Variants in LIX1L observed in about 807,000 individuals in gnomAD.
The protein encoded by LIX1L is limb and CNS expressed 1 like.
Under a neutral mutation model 34.0 loss-of-function variants are expected in LIX1L, and 20 were observed. That is an observed-to-expected ratio of 0.59 (90% CI 0.41 to 0.85). The LOEUF (loss-of-function observed/expected upper bound fraction) is 0.85. LIX1L is among the 40% of genes least tolerant of loss of function. The pLI, the probability that LIX1L is intolerant of heterozygous loss-of-function variation, is 0.00. For synonymous variants in LIX1L, 170 were observed against 187.4 expected, an observed-to-expected ratio of 0.91 and a Z score of 0.76; for missense variants, 397 against 447.0, an observed-to-expected ratio of 0.89 and a Z score of 1.01.
chr1:145,934,170 A>G lies in LIX1L; in HGVS notation c.*2140T>C, dbSNP rs57979501. On this transcript the variant is annotated 3_prime_UTR_variant, in exon 6 of 6. Transcript: ENST00000604000. ...TCACAGAGACAAGGGGGAAATATAT[A>G]TTAGAGACCTCCAAAAAAATTCTCT... The G allele has an allele frequency of 6.9e-6, 1 of 145,920 alleles. No individual in the cohort carries two copies. Among genetic ancestry groups the G allele is most frequent in the Non-Finnish European group, 1.5e-5 (1 of 67,918 alleles). 9.0% of individuals were successfully genotyped at this position (145,920 alleles called of 1,614,324 possible). A position where few individuals can be genotyped will look rare whatever the true frequency, so the allele number is the denominator to read the frequency against.
At chr1:145,939,003 C>G (rs1271354544) in intron 3 of LIX1L, among the ~76,000 whole-genome samples, 1 of 147,396 alleles carries the variant, frequency 6.8e-6, no homozygotes. Context: ...TTTTTTGAGA[C>G]TGTGTCTCAT....
In LIX1L at chr1:145,936,286, C is replaced by T; in HGVS notation, c.*24G>A. The T allele has an allele frequency of 1.2e-6, 2 of 1,611,610 alleles. No individual in the cohort carries two copies. Among genetic ancestry groups the T allele is most frequent in the Non-Finnish European group, 1.7e-6 (2 of 1,178,068 alleles). On this transcript the variant is annotated 3_prime_UTR_variant, in exon 6 of 6. Transcript: ENST00000604000. ...GACATAAAAAAAGGCTGTGGAAAGC[C>T]TGGGGAGTTATGTGGGTGGATGCCT...
intron 1 of LIX1L, among the ~76,000 whole-genome samples, chr1:145,955,548 C>T (rs1477747363): frequency 5.3e-5 from 8 of 152,148 alleles, no homozygotes; most frequent in Non-Finnish European, 1.5e-5. Flanking sequence ...AATAACATGC[C>T]ATCAGTCACA....
chr1:145,948,329 G>C lies in LIX1L; in HGVS notation c.293-547C>G, dbSNP rs1553759463. Among the ~76,000 whole-genome samples, 2 of 152,146 alleles carry C rather than the reference G, an allele frequency of 1.3e-5. No individual in the cohort carries two copies. The highest frequency in any genetic ancestry group is 1.5e-5 in the Non-Finnish European group (1 of 68,034). ...ATATTTTACAGATGAGGGAAATGAG[G>C]TACAGAGAAGTTAAATAACTTGCCC... is the stretch of plus-strand genomic sequence containing the variant. On this transcript the variant is annotated intron_variant, in intron 1 of 5. Coordinates refer to ENST00000604000, the MANE Select transcript of LIX1L (RefSeq NM_153713.3). This position sits in a 1 kb window ranked among gnomAD's most constrained non-coding sequence, Gnocchi z 4.0.
chr1:145,937,450 T>C, intron 4 of LIX1L, 154 bp downstream of exon 4: 1 of 547,910 alleles, frequency 1.8e-6, no homozygotes, highest in East Asian at 3.3e-5. Flanking sequence ...TGAGCCACCA[T>C]GCCCAGCCAG....
intron 1 of LIX1L, among the ~76,000 whole-genome samples, chr1:145,954,637 C>G (rs587669374): frequency 6.6e-6 from 1 of 152,130 alleles, no homozygotes; most frequent in Non-Finnish European, 1.5e-5. Flanking sequence ...GTGAGTTACT[C>G]GATCCTGCCA....
intron 1 of LIX1L, among the ~76,000 whole-genome samples, chr1:145,956,846 G>A (rs72701868): frequency 0.017 from 2,648 of 152,224 alleles, 42 homozygotes; most frequent in Non-Finnish European, 0.031. Context: ...AGAAATTAAC[G>A]AAGTTTTCTA....
Position 145,936,389 on chromosome 1 carries a change from A to G in LIX1L, c.935T>C (p.Leu312Pro). The part of the protein sequence containing the change: ...LDEARLAGKE[L>P]RFHKEKKDIL... The stretch of plus-strand genomic sequence containing the variant: ...ATCTTTCTTCTCCTTGTGGAAGCGC[A>G]GCTCCTTGCCTGCCAGTCGGGCTTC... The change falls in exon 6 of 6, where the codon CTG becomes CCG. Residue 312 changes from leucine (L) to proline (P), a missense_variant. Physicochemically the swap from Leu to Pro is moderately conservative, Grantham distance 98. This residue lies in a region of LIX1L where 174 missense variants were observed against 204.0 expected (regional missense o/e 0.85). Transcript: ENST00000604000. 6.2e-7 allele frequency: 1 copy of G among 1,614,152 alleles called. No homozygotes were observed. Among genetic ancestry groups the G allele is most frequent in the Non-Finnish European group, 8.5e-7 (1 of 1,180,030 alleles).
At position 145,948,327 on chromosome 1, in the gene LIX1L, A is replaced by G. The variant is rs1380206597; in HGVS notation, c.293-545T>C. On this transcript the variant is annotated intron_variant, in intron 1 of 5. Transcript: ENST00000604000. This position sits in a 1 kb window ranked among gnomAD's most constrained non-coding sequence, Gnocchi z 4.0. ...CCATATTTTACAGATGAGGGAAATG[A>G]GGTACAGAGAAGTTAAATAACTTGC... 1.3e-5 allele frequency among the ~76,000 whole-genome samples: 2 copies of G among 152,202 alleles called. No homozygotes were observed. The highest frequency in any genetic ancestry group is 2.9e-5 in the Non-Finnish European group (2 of 68,042).
chr1:145,938,836 T>C (rs59886312), intron 3 of LIX1L, among the ~76,000 whole-genome samples: 14,543 of 152,094 alleles, frequency 0.096, 2,179 homozygotes, highest in African/African-American at 0.32. Context: ...GATCTGCCTG[T>C]CTTGGCCTCC....
intron 1 of LIX1L, 105 bp downstream of exon 1, chr1:145,957,531 A>G: frequency 7.6e-7 from 1 of 1,322,254 alleles, no homozygotes; most frequent in Non-Finnish European, 9.6e-7. Flanking sequence ...CCCCAAAAGG[A>G]AATGCATGTG....
intron 1 of LIX1L, among the ~76,000 whole-genome samples, chr1:145,950,811 C>A (rs1553759771): frequency 6.6e-6 from 1 of 152,196 alleles, no homozygotes; most frequent in African/African-American, 2.4e-5. Flanking sequence ...AGCGTGGTTC[C>A]TTCAAATGTG....
intron 1 of LIX1L, among the ~76,000 whole-genome samples, chr1:145,949,855 T>C (rs1649229881): frequency 6.6e-6 from 1 of 151,658 alleles, no homozygotes; most frequent in South Asian, 2.1e-4. Flanking sequence ...CTCACTCTGT[T>C]GCCCAGGCTG....
chr1:145,941,295 C>T (rs1648906604), intron 3 of LIX1L: 1 of 148,118 alleles, frequency 6.8e-6, no homozygotes, highest in South Asian at 2.1e-4. Flanking sequence ...CTCTGTTACC[C>T]AGGCTGGAGT....
In LIX1L at chr1:145,935,529, C is replaced by G. The variant is rs587741059; in HGVS notation, c.*781G>C. 6.6e-6 allele frequency: 1 copy of G among 152,552 alleles called. No individual in the cohort carries two copies. Among genetic ancestry groups the G allele is most frequent in the East Asian group, 1.9e-4 (1 of 5,314 alleles). The allele number at this position is 152,552 out of a possible 1,614,324, so 9.4% of individuals were successfully genotyped here. On this transcript the variant is annotated 3_prime_UTR_variant, in exon 6 of 6. Coordinates refer to ENST00000604000, the MANE Select transcript of LIX1L (RefSeq NM_153713.3). ...AGGAAGGTCCAAACGCAGGGTTTAA[C>G]TAAGCTGGGGGAGTAGGGGAGATGT...
chr1:145,938,372 T>C (rs1188858378), intron 3 of LIX1L, among the ~76,000 whole-genome samples: 1 of 152,048 alleles, frequency 6.6e-6, no homozygotes, highest in Non-Finnish European at 1.5e-5. Flanking sequence ...AGACACACTG[T>C]CCTGCATTCA....
At chr1:145,943,400 C>T (rs1478075896) in intron 2 of LIX1L, among the ~76,000 whole-genome samples, 1 of 152,080 alleles carries the variant, frequency 6.6e-6, no homozygotes, top group Non-Finnish European at 1.5e-5. Context: ...ACGTAGTGAG[C>T]CAAAGGAGCT....
At chr1:145,937,969 A>G (rs1255698534) in intron 3 of LIX1L, among the ~76,000 whole-genome samples, 4 of 152,052 alleles carry the variant, frequency 2.6e-5, no homozygotes, top group Non-Finnish European at 5.9e-5. Context: ...CTCTACTAAA[A>G]ATACAAAAAT....
intron 2 of LIX1L, among the ~76,000 whole-genome samples, chr1:145,946,276 G>A (rs1191545090): frequency 6.8e-6 from 1 of 147,500 alleles, no homozygotes; most frequent in African/African-American, 2.5e-5. Flanking sequence ...TCAGATCACT[G>A]CAATCTCCGC....
Sources: allele counts gnomAD v4.1 joint callset (sites outside exome capture counted in the v4.1 genomes callset), GRCh38; gene constraint gnomAD v4.1.1; regional missense constraint gnomAD v4.1.1; non-coding constraint Gnocchi (gnomAD v3.1); transcripts MANE v1.5; gene names NCBI Gene and HGNC (gene_info 2026-07-23, HGNC 2026-07-21).